Variants in WWOX observed in about 807,000 individuals in gnomAD.
The protein encoded by WWOX is WW domain containing oxidoreductase.
In WWOX, 69 loss-of-function variants were observed where a neutral mutation model predicts 46.2. That is an observed-to-expected ratio of 1.49 (90% CI 1.23 to 1.82). The LOEUF (loss-of-function observed/expected upper bound fraction) is 1.82. WWOX is among the 40% of genes most tolerant of loss of function. The probability of loss-of-function intolerance (pLI) is 0.00; values close to 1 mark genes in which losing one functional copy is unlikely to be tolerated. For synonymous variants in WWOX, 359 were observed against 202.6 expected (o/e 1.77, Z -6.56); for missense variants, 919 against 542.6 (o/e 1.69, Z -6.89).
intron 8 of WWOX, among the ~76,000 whole-genome samples, chr16:78,772,179 C>T (rs2050080119): frequency 6.6e-6 from 1 of 152,066 alleles, no homozygotes; most frequent in Non-Finnish European, 1.5e-5. Flanking sequence ...TTTTTCTGAT[C>T]CTCTCCTTCC....
Position 78,638,585 on chromosome 16 carries a change from A to G in WWOX, c.1056+205833A>G, listed in dbSNP as rs560900741. 2.6e-5 allele frequency among the ~76,000 whole-genome samples: 4 copies of G among 152,258 alleles called. No homozygotes were observed. The South Asian group carries it at 8.3e-4, about 32-fold the overall frequency. ...TGCAATTGACTCTCATAGAATGTGG[A>G]TAGCAGTGCCACTTGACACCAGACT... On this transcript the variant is annotated intron_variant, in intron 8 of 8. Coordinates refer to ENST00000566780, the MANE Select transcript of WWOX (RefSeq NM_016373.4).
At chr16:78,299,263 C>T (rs1044687299) in intron 5 of WWOX, among the ~76,000 whole-genome samples, 1 of 152,132 alleles carries the variant, frequency 6.6e-6, no homozygotes, top group Admixed American at 6.6e-5. Flanking sequence ...CCTTTTTATT[C>T]TCTAATCTCA....
chr16:78,983,542 G>C (rs903336757), intron 8 of WWOX, among the ~76,000 whole-genome samples: 1 of 152,190 alleles, frequency 6.6e-6, no homozygotes, highest in African/African-American at 2.4e-5. Context: ...ATCTCAGAAT[G>C]AGTTGTGGGG....
chr16:78,888,227 C>T lies in WWOX; in HGVS notation c.1057-323381C>T, dbSNP rs114647741. 8.2e-3 allele frequency among the ~76,000 whole-genome samples: 1,243 copies of T among 152,268 alleles called. 14 individuals carry two copies. The highest frequency in any genetic ancestry group is 0.029 in the African/African-American group (1,200 of 41,556). On this transcript the variant is annotated intron_variant, in intron 8 of 8. Coordinates refer to ENST00000566780, the MANE Select transcript of WWOX (RefSeq NM_016373.4). ...TAACCCTACCCAAGGTGTTGGGCAA[C>T]TGGGGGCTTTGTGCTTTGCTTCTCC...
At chr16:79,209,269 T>A (rs533332087) in intron 8 of WWOX, among the ~76,000 whole-genome samples, 4 of 152,316 alleles carry the variant, frequency 2.6e-5, no homozygotes, top group Admixed American at 6.5e-5. Context: ...CCTGCAACAA[T>A]GGCATTCTGA....
At chr16:78,208,726 A>T (rs139492504) in intron 5 of WWOX, among the ~76,000 whole-genome samples, 1 of 152,346 alleles carries the variant, frequency 6.6e-6, no homozygotes, top group African/African-American at 2.4e-5. Context: ...GCTCACTTCA[A>T]TGGTAAATAT....
intron 5 of WWOX, among the ~76,000 whole-genome samples, chr16:78,309,914 G>A (rs2080208038): frequency 2.0e-5 from 3 of 152,138 alleles, no homozygotes; most frequent in South Asian, 2.1e-4. Flanking sequence ...ATAATTGGAT[G>A]TATGGCAGGA....
At chr16:78,807,808 A>C (rs957091645) in intron 8 of WWOX, among the ~76,000 whole-genome samples, 2 of 152,234 alleles carry the variant, frequency 1.3e-5, no homozygotes, top group Non-Finnish European at 2.9e-5. Flanking sequence ...GTGGCTATTT[A>C]AACTGAAATG....
intron 8 of WWOX, among the ~76,000 whole-genome samples, chr16:78,998,593 C>A (rs1171669560): frequency 6.6e-6 from 1 of 152,162 alleles, no homozygotes; most frequent in Non-Finnish European, 1.5e-5. Flanking sequence ...GTAGTTAAGA[C>A]TCAATTTCTT....
intron 5 of WWOX, among the ~76,000 whole-genome samples, chr16:78,192,608 A>G (rs1178081384): frequency 6.6e-6 from 1 of 152,166 alleles, no homozygotes; most frequent in Non-Finnish European, 1.5e-5. Context: ...CATACAATAA[A>G]TACTTTGTAA....
At chr16:78,721,238 C>G (rs1158008560) in intron 8 of WWOX, among the ~76,000 whole-genome samples, 6 of 99,054 alleles carry the variant, frequency 6.1e-5, no homozygotes, top group African/African-American at 3.5e-4. Context: ...TGCCCCATGT[C>G]TAAGAAAAAA....
intron 5 of WWOX, among the ~76,000 whole-genome samples, chr16:78,299,845 G>T (rs991120045): frequency 6.6e-6 from 1 of 152,042 alleles, no homozygotes; most frequent in East Asian, 1.9e-4. Context: ...CCTATTTCTT[G>T]TCAAGCAGGA....
intron 5 of WWOX, among the ~76,000 whole-genome samples, chr16:78,317,516 C>G (rs2080378614): frequency 6.6e-6 from 1 of 152,184 alleles, no homozygotes; most frequent in Admixed American, 6.5e-5. Context: ...AGGCACAGGA[C>G]AAGCATCGGG....
intron 8 of WWOX, among the ~76,000 whole-genome samples, chr16:79,041,297 C>T (rs759227263): frequency 2.0e-5 from 3 of 152,162 alleles, no homozygotes; most frequent in Admixed American, 1.3e-4. Context: ...TCACCCCTCC[C>T]GCTTGTCCCC....
At chr16:78,244,872 A>G (rs544102484) in intron 5 of WWOX, among the ~76,000 whole-genome samples, 6 of 152,300 alleles carry the variant, frequency 3.9e-5, no homozygotes, top group South Asian at 4.1e-4. Context: ...CTCATACACA[A>G]TAGGGACATA....
chr16:78,553,036 A>G (rs1180307683), intron 8 of WWOX: 2 of 152,236 alleles, frequency 1.3e-5, no homozygotes, highest in African/African-American at 4.8e-5. Context: ...ACAGAAAACC[A>G]AATACCGCAT....
chr16:78,120,337 G>A (rs982455719), intron 4 of WWOX, among the ~76,000 whole-genome samples: 1 of 152,120 alleles, frequency 6.6e-6, no homozygotes, highest in African/African-American at 2.4e-5. Flanking sequence ...TTGAGAGGCC[G>A]AGGCGGGTGG....
chr16:78,216,465 C>T (rs973078997), intron 5 of WWOX, among the ~76,000 whole-genome samples: 9 of 152,244 alleles, frequency 5.9e-5, no homozygotes, highest in African/African-American at 2.2e-4. Context: ...CTACAGGGTT[C>T]TCCTTGGGCT....
intron 8 of WWOX, among the ~76,000 whole-genome samples, chr16:78,614,084 C>G (rs1432241081): frequency 7.2e-5 from 11 of 152,204 alleles, no homozygotes; most frequent in Admixed American, 7.2e-4. Context: ...CATGTTGTGT[C>G]ACCCCTGGAG....
Sources: gnomAD v4.1 joint callset for allele counts (sites outside exome capture counted in the v4.1 genomes callset) on GRCh38, gnomAD v4.1.1 for gene constraint, MANE v1.5 for transcripts, NCBI Gene and HGNC (gene_info 2026-07-23, HGNC 2026-07-21) for gene names.